The following COL6A6 variants were observed in gnomAD, a reference collection of about 807,000 sequenced individuals.
COL6A6 encodes collagen type VI alpha 6 chain, also known as collagen alpha-6(VI) chain.
In COL6A6, 183 loss-of-function variants were observed where a neutral mutation model predicts 208.6. The observed-to-expected ratio is 0.88, with a 90% CI of 0.78 to 0.99. The LOEUF (loss-of-function observed/expected upper bound fraction) is 0.99, where lower values mean the gene tolerates loss of function less well. Among genes scored for constraint, COL6A6 ranks in the 50% least tolerant of loss-of-function variants. COL6A6 has a pLI of 0.00. For missense variants in COL6A6, 2,816 were observed against 2,815.2 expected, an observed-to-expected ratio of 1.00 and a Z score of -0.01; for synonymous variants, 973 against 1,011.8, an observed-to-expected ratio of 0.96 and a Z score of 0.73.
chr3:130,649,535 C>T lies in COL6A6; in HGVS notation c.5706C>T (p.Asn1902=), dbSNP rs755436627. 16 of 1,597,152 alleles carry T rather than the reference C, an allele frequency of 1.0e-5. 1 individual carries two copies. Among genetic ancestry groups the T allele is most frequent in the Non-Finnish European group, 1.3e-5 (15 of 1,171,402 alleles). The change falls in exon 33 of 37, where the codon AAC becomes AAT. Residue 1902 remains asparagine (N), a synonymous_variant. Coordinates refer to ENST00000358511, the MANE Select transcript of COL6A6 (RefSeq NM_001102608.3). ...TTCCCGTGGTGATCACTTTCAGCAA[C>T]GTGCCCTCGGTCAGGCGCGCATTTG... ...EIIPVVITFS[N]VPSVRRAFAI...
intron 1 of COL6A6, among the ~76,000 whole-genome samples, chr3:130,531,957 G>T (rs1346099931): frequency 6.6e-6 from 1 of 152,174 alleles, no homozygotes; most frequent in Non-Finnish European, 1.5e-5. Flanking sequence ...GATAGCACAG[G>T]GGAAGAGGTT....
intron 1 of COL6A6, among the ~76,000 whole-genome samples, chr3:130,541,879 G>T (rs1445293315): frequency 6.6e-6 from 1 of 152,196 alleles, no homozygotes; most frequent in African/African-American, 2.4e-5. Context: ...ATTCTTGTGT[G>T]AGTTTTGGCA....
chr3:130,579,375 T>C (rs1294100876), intron 8 of COL6A6, among the ~76,000 whole-genome samples: 1 of 152,184 alleles, frequency 6.6e-6, no homozygotes, highest in African/African-American at 2.4e-5. Flanking sequence ...AGAAAATTAA[T>C]GCCCAGAGAG....
intron 20 of COL6A6, among the ~76,000 whole-genome samples, chr3:130,603,086 C>T (rs1386332890): frequency 6.6e-6 from 1 of 152,112 alleles, no homozygotes; most frequent in Admixed American, 6.5e-5. Context: ...CAAATCTGAC[C>T]TTTACTCATT....
chr3:130,590,809 C>T (rs1051695294), intron 12 of COL6A6, among the ~76,000 whole-genome samples: 8 of 152,070 alleles, frequency 5.3e-5, no homozygotes. Flanking sequence ...CCTCTTGATC[C>T]GCCCGCCTGG....
chr3:130,640,564 T>C (rs1383202355), intron 28 of COL6A6, among the ~76,000 whole-genome samples: 1 of 152,246 alleles, frequency 6.6e-6, no homozygotes, highest in African/African-American at 2.4e-5. Flanking sequence ...ATTTACTGTT[T>C]TATAGGTAAT....
At chr3:130,579,174 C>T (rs2063363457) in intron 8 of COL6A6, among the ~76,000 whole-genome samples, 1 of 152,178 alleles carries the variant, frequency 6.6e-6, no homozygotes, top group African/African-American at 2.4e-5. Context: ...AGCCTCTTGA[C>T]AGTATTTCTT....
intron 23 of COL6A6, among the ~76,000 whole-genome samples, chr3:130,620,573 A>C (rs2064684453): frequency 6.6e-6 from 1 of 152,144 alleles, no homozygotes; most frequent in Non-Finnish European, 1.5e-5. Flanking sequence ...CTATCTATGG[A>C]GGGTGACAAT....
chr3:130,573,776 A>G (rs965393751), intron 7 of COL6A6, among the ~76,000 whole-genome samples, 180 bp from the exon 8 acceptor site: 6 of 151,950 alleles, frequency 3.9e-5, no homozygotes, highest in Non-Finnish European at 4.4e-5. Context: ...TCACCATGTT[A>G]GCCAGGATGG....
chr3:130,620,360 G>A (rs945649623), intron 23 of COL6A6, among the ~76,000 whole-genome samples: 1 of 152,160 alleles, frequency 6.6e-6, no homozygotes. Context: ...GCCTTCAAAG[G>A]TTCATGAGAG....
chr3:130,592,440 A>T, intron 13 of COL6A6, 101 bp from the exon 14 acceptor site: 2 of 819,082 alleles, frequency 2.4e-6, no homozygotes, highest in Non-Finnish European at 4.0e-6. Context: ...GTGAACCATG[A>T]GCATTCACAC....
chr3:130,666,533 G>A (rs955686282), intron 36 of COL6A6, among the ~76,000 whole-genome samples: 2 of 152,114 alleles, frequency 1.3e-5, no homozygotes, highest in African/African-American at 4.8e-5. Context: ...GGAGAATATA[G>A]GTGAAAGATA....
chr3:130,571,391 T>C lies in COL6A6; in HGVS notation c.2975T>C (p.Val992Ala). ...GCCAGTGTCTGCAACTCTTCAAAAG[T>C]AGGTAAGTTTTGCCAACTAAGTTTT... ...VTASVCNSSK[V>A]DCEIDKVDLV... Residue 992 changes from valine to alanine, a missense_variant and splice_region_variant, in exon 7 of 37, where the codon GTA becomes GCA. Coordinates refer to ENST00000358511, the MANE Select transcript of COL6A6 (RefSeq NM_001102608.3). The C allele has an allele frequency of 6.5e-7, 1 of 1,543,992 alleles. No homozygotes were observed. Among genetic ancestry groups the C allele is most frequent in the Non-Finnish European group, 8.7e-7 (1 of 1,147,090 alleles).
At chr3:130,608,411 A>G (rs1318574366) in intron 21 of COL6A6, among the ~76,000 whole-genome samples, 2 of 152,208 alleles carry the variant, frequency 1.3e-5, no homozygotes, top group Admixed American at 6.5e-5. Context: ...AACTTCTTGA[A>G]TTCGTTATGC....
At chr3:130,586,147 G>A (rs1406013468) in intron 10 of COL6A6, among the ~76,000 whole-genome samples, 1 of 152,102 alleles carries the variant, frequency 6.6e-6, no homozygotes, top group Non-Finnish European at 1.5e-5. Context: ...TAAATTTTTT[G>A]TAGAGGTGGA....
intron 1 of COL6A6, among the ~76,000 whole-genome samples, chr3:130,557,100 G>A (rs1329629407): frequency 6.6e-6 from 1 of 152,120 alleles, no homozygotes; most frequent in African/African-American, 2.4e-5. Context: ...AAGGTCACAC[G>A]GCAGTTTAGG....
At chr3:130,550,955 A>C (rs779412031) in intron 1 of COL6A6, among the ~76,000 whole-genome samples, 2 of 152,226 alleles carry the variant, frequency 1.3e-5, no homozygotes, top group Non-Finnish European at 2.9e-5. Context: ...TGTGTGATGA[A>C]TCACATTTAT....
chr3:130,532,513 T>C (rs995291869), intron 1 of COL6A6, among the ~76,000 whole-genome samples: 1 of 152,188 alleles, frequency 6.6e-6, no homozygotes, highest in Non-Finnish European at 1.5e-5. Context: ...GCTGGTACAC[T>C]GACCAAAGCA....
At chr3:130,539,603 C>T (rs1319580315) in intron 1 of COL6A6, among the ~76,000 whole-genome samples, 2 of 150,566 alleles carry the variant, frequency 1.3e-5, no homozygotes, top group Non-Finnish European at 3.0e-5. Flanking sequence ...ACTGCACTCC[C>T]GCCTGGACAA....
Sources: allele counts gnomAD v4.1 joint callset (sites outside exome capture counted in the v4.1 genomes callset), GRCh38; gene constraint gnomAD v4.1.1; transcripts MANE v1.5; gene names NCBI Gene and HGNC (gene_info 2026-07-23, HGNC 2026-07-21).